KANSL1L: variants seen among roughly 807,000 people sequenced by gnomAD.
KANSL1L encodes KAT8 regulatory NSL complex subunit 1 like, also known as KAT8 regulatory NSL complex subunit 1-like protein.
A neutral mutation model predicts 108.6 loss-of-function variants in KANSL1L; 25 were observed. The ratio of observed to expected loss-of-function variants is 0.23; its 90% CI spans 0.17 to 0.32. The LOEUF (loss-of-function observed/expected upper bound fraction) is 0.32, where lower values mean the gene tolerates loss of function less well. KANSL1L is among the 10% of genes least tolerant of loss of function. The pLI, the probability that KANSL1L is intolerant of heterozygous loss-of-function variation, is 1.00. For missense variants in KANSL1L, 1,137 were observed against 1,125.7 expected (o/e 1.01, Z -0.14); for synonymous variants, 405 against 395.1 (o/e 1.03, Z -0.30).
At chr2:210,130,170 G>T (rs1329922762) in intron 2 of KANSL1L, among the ~76,000 whole-genome samples, 1 of 152,118 alleles carries the variant, frequency 6.6e-6, no homozygotes, top group African/African-American at 2.4e-5. Context: ...TGACAATGAC[G>T]TGTTAATGTA....
chr2:210,152,670 G>A (rs1021541069), intron 2 of KANSL1L: 17 of 152,108 alleles, frequency 1.1e-4, no homozygotes, highest in Non-Finnish European at 1.8e-4. Flanking sequence ...GTTATACTAA[G>A]CTAGCAAAAA....
chr2:210,160,404 T>C (rs545229138), intron 1 of KANSL1L, among the ~76,000 whole-genome samples: 8 of 152,264 alleles, frequency 5.3e-5, no homozygotes, highest in Admixed American at 1.3e-4. Context: ...ACTGTCTCTA[T>C]TCACAGATGA....
chr2:210,117,827 A>G (rs1253459248), intron 3 of KANSL1L, among the ~76,000 whole-genome samples: 1 of 152,164 alleles, frequency 6.6e-6, no homozygotes, highest in Non-Finnish European at 1.5e-5. Context: ...CAATAAACAA[A>G]TCTCTTGATT....
intron 6 of KANSL1L, among the ~76,000 whole-genome samples, chr2:210,047,145 G>A (rs1002510236): frequency 2.0e-5 from 3 of 151,956 alleles, no homozygotes; most frequent in African/African-American, 7.3e-5. Context: ...CTGTAGAGAG[G>A]GCTGATTGAT....
chr2:210,040,522 G>T lies in KANSL1L; in HGVS notation c.1927C>A (p.Pro643Thr). The T allele has an allele frequency of 6.8e-7, 1 of 1,460,022 alleles. No individual in the cohort carries two copies. Among genetic ancestry groups the T allele is most frequent in the Admixed American group, 2.1e-5 (1 of 47,726 alleles). The allele number at this position is 1,460,022 out of a possible 1,614,324, so 90.4% of individuals were successfully genotyped here. ...AGTGTTTCAAAGTGAAAATGAAGAG[G>T]CACATCTGGAAAAATAAAATAAAAA... ...HSVLSLPSDV[P>T]LHFHFETLLK... The change falls in exon 8 of 15, where the codon CCT (proline) becomes ACT (threonine). Residue 643 changes from proline to threonine, a missense_variant. Around this residue, in one of 3 missense-constraint regions of KANSL1L, gnomAD observed 575 missense variants for 567.1 expected, o/e 1.01. Coordinates refer to ENST00000281772, the MANE Select transcript of KANSL1L (RefSeq NM_152519.4).
At chr2:210,171,552 A>G (rs1688342480), upstream of KANSL1L, 1 of 152,352 alleles carries the variant, frequency 6.6e-6, no homozygotes, top group East Asian at 1.9e-4. Flanking sequence ...TGGCAGGAGC[A>G]CGACTCCCTT....
chr2:210,167,043 T>TA (rs1553685545), intron 1 of KANSL1L, among the ~76,000 whole-genome samples: 1 of 151,490 alleles, frequency 6.6e-6, no homozygotes, highest in Non-Finnish European at 1.5e-5. Flanking sequence ...AATAAATAAA[T>TA]AAAAAATATA....
Position 210,040,461 on chromosome 2 carries a change from T to G in KANSL1L, c.1988A>C (p.Glu663Ala). 6.4e-7 allele frequency: 1 copy of G among 1,565,640 alleles called. No individual in the cohort carries two copies. The highest frequency in any genetic ancestry group is 8.8e-7 in the Non-Finnish European group (1 of 1,140,980). Residue 663 changes from glutamate to alanine, a missense_variant, in exon 8 of 15, where the codon GAA (glutamate) becomes GCA (alanine). Transcript: ENST00000281772. Reference protein sequence around the residue: ...KKTEIKGNLAENKFVDEYIIS... With the variant: ...KKTEIKGNLAANKFVDEYIIS... Reference sequence around the variant, plus strand: ...GATATATTCATCTACAAATTTATTTTCAGCAAGATTGCCTTTTATTTCAGT... The same window carrying G: ...GATATATTCATCTACAAATTTATTTGCAGCAAGATTGCCTTTTATTTCAGT...
chr2:210,031,352 T>A, intron 9 of KANSL1L, 69 bp downstream of exon 9: 1 of 1,096,620 alleles, frequency 9.1e-7, no homozygotes, highest in Non-Finnish European at 1.3e-6. Context: ...CCATGAGAGG[T>A]TATTTTAAAA....
At position 210,107,510 on chromosome 2, in the gene KANSL1L, C is replaced by CAA. The variant is rs142353453; in HGVS notation, c.1231-3211_1231-3210dup. On this transcript the variant is annotated intron_variant, in intron 3 of 14. Transcript: ENST00000281772. ...TTGCTAATAACTGCTTTCTTCTCCTCAAAAAAAAAATATATATATATATAT... is the reference window on the plus strand; with the variant it reads ...TTGCTAATAACTGCTTTCTTCTCCTCAAAAAAAAAAAATATATATATATATAT... Among the ~76,000 whole-genome samples, 129 of 122,896 alleles carry CAA rather than the reference C, an allele frequency of 1.0e-3. 3 individuals carry two copies. Among genetic ancestry groups the CAA allele is most frequent in the African/African-American group, 2.1e-3 (75 of 35,116 alleles). 80.6% of individuals were successfully genotyped at this position (122,896 alleles called of 152,430 possible).
intron 6 of KANSL1L, among the ~76,000 whole-genome samples, chr2:210,068,689 C>T (rs1559530781): frequency 6.6e-6 from 1 of 152,124 alleles, no homozygotes; most frequent in East Asian, 1.9e-4. Flanking sequence ...GGTCTGACAA[C>T]CTTTTTCATT....
chr2:210,025,999 C>G (rs567853175), intron 12 of KANSL1L, among the ~76,000 whole-genome samples: 1 of 152,204 alleles, frequency 6.6e-6, no homozygotes, highest in Admixed American at 6.5e-5. Context: ...ACATACTATT[C>G]TAAGAAGATG....
intron 6 of KANSL1L, among the ~76,000 whole-genome samples, chr2:210,074,574 C>T (rs943307150): frequency 1.3e-5 from 2 of 152,102 alleles, no homozygotes; most frequent in Non-Finnish European, 2.9e-5. Flanking sequence ...AGGCCAGTCT[C>T]GAACTCTTGA....
chr2:210,083,241 A>T (rs1170223308), intron 5 of KANSL1L, among the ~76,000 whole-genome samples: 2 of 152,190 alleles, frequency 1.3e-5, no homozygotes, highest in African/African-American at 4.8e-5. Flanking sequence ...TTGAACTTCT[A>T]GCCTCCAGAA....
At chr2:210,093,542 T>C (rs771214705) in intron 5 of KANSL1L, among the ~76,000 whole-genome samples, 3 of 152,130 alleles carry the variant, frequency 2.0e-5, no homozygotes, top group Non-Finnish European at 4.4e-5. Context: ...CCAAAAGATA[T>C]CAAAACTTCA....
At chr2:210,139,023 TG>T (rs2095202356) in intron 2 of KANSL1L, among the ~76,000 whole-genome samples, 1 of 152,002 alleles carries the variant, frequency 6.6e-6, no homozygotes, top group African/African-American at 2.4e-5. Flanking sequence ...TGCTCGAACC[TG>T]GGAGGTAGAG....
intron 2 of KANSL1L, among the ~76,000 whole-genome samples, chr2:210,129,453 CAGAG>C (rs1271160044): frequency 6.6e-6 from 1 of 152,054 alleles, no homozygotes; most frequent in Non-Finnish European, 1.5e-5. Flanking sequence ...AGGTCTTAAA[CAGAG>C]ATAAACCAGC....
At chr2:210,151,648 T>C (rs902953608) in intron 2 of KANSL1L, 1 of 152,218 alleles carries the variant, frequency 6.6e-6, no homozygotes, top group Non-Finnish European at 1.5e-5. Context: ...ATTTAACCCA[T>C]GCTGAGTCTG....
chr2:210,149,951 A>T (rs2095290804), intron 2 of KANSL1L, among the ~76,000 whole-genome samples: 1 of 152,018 alleles, frequency 6.6e-6, no homozygotes, highest in African/African-American at 2.4e-5. Flanking sequence ...GAAATAAAAA[A>T]TATAAAGAGC....
Sources: gnomAD v4.1 joint callset for allele counts (sites outside exome capture counted in the v4.1 genomes callset) on GRCh38, gnomAD v4.1.1 for gene constraint, gnomAD v4.1.1 regional missense constraint, MANE v1.5 for transcripts, NCBI Gene and HGNC (gene_info 2026-07-23, HGNC 2026-07-21) for gene names.